The following CDH12 variants were observed in gnomAD, a reference collection of about 807,000 sequenced individuals.
CDH12 encodes cadherin 12, also known as cadherin-12.
Under a neutral mutation model 74.1 loss-of-function variants are expected in CDH12, and 41 were observed. The ratio of observed to expected loss-of-function variants is 0.55; its 90% confidence interval spans 0.43 to 0.72. CDH12 has a LOEUF of 0.72. Among genes scored for constraint, CDH12 ranks in the 30% least tolerant of loss-of-function variants. The pLI, the probability that CDH12 is intolerant of heterozygous loss-of-function variation, is 0.00. For synonymous variants in CDH12, 399 were observed against 355.0 expected, an observed-to-expected ratio of 1.12 and a Z score of -1.39; for missense variants, 945 against 977.2, an observed-to-expected ratio of 0.97 and a Z score of 0.44.
chr5:22,030,124 G>A (rs1429695999), intron 5 of CDH12, among the ~76,000 whole-genome samples: 1 of 149,280 alleles, frequency 6.7e-6, no homozygotes, highest in Non-Finnish European at 1.5e-5. Context: ...GGGGTGGGGG[G>A]GAGGGGGGAA....
chr5:22,718,204 G>T lies in CDH12; in HGVS notation c.-523+134854C>A, dbSNP rs28674061. ...TGTAAATATCCAGTTATAGAATTTAGATTACAGAAAGCTATACTTTGTGCC... is the reference window on the plus strand; with the variant it reads ...TGTAAATATCCAGTTATAGAATTTATATTACAGAAAGCTATACTTTGTGCC... On this transcript the variant is annotated intron_variant, in intron 1 of 14. Coordinates refer to ENST00000382254, the MANE Select transcript of CDH12 (RefSeq NM_004061.5). 3.4e-3 allele frequency among the ~76,000 whole-genome samples: 515 copies of T among 152,316 alleles called. 4 individuals carry two copies. The highest frequency in any genetic ancestry group is 0.012 in the African/African-American group (489 of 41,574).
At chr5:22,415,106 A>T (rs752889420) in intron 2 of CDH12, among the ~76,000 whole-genome samples, 1 of 152,134 alleles carries the variant, frequency 6.6e-6, no homozygotes, top group Non-Finnish European at 1.5e-5. Flanking sequence ...ACTAAAATAA[A>T]ATGGCCAAAT....
intron 12 of CDH12, among the ~76,000 whole-genome samples, chr5:21,761,842 C>A (rs575062850): frequency 6.6e-6 from 1 of 152,166 alleles, no homozygotes; most frequent in South Asian, 2.1e-4. Flanking sequence ...TCTAATTTAA[C>A]AAATTAATTG....
At chr5:21,826,635 C>A (rs368129369) in intron 8 of CDH12, among the ~76,000 whole-genome samples, 3 of 152,082 alleles carry the variant, frequency 2.0e-5, no homozygotes, top group Non-Finnish European at 4.4e-5. Context: ...AACTCATTGT[C>A]TTCTTTCATG....
At chr5:22,824,871 C>A (rs1184899830) in intron 1 of CDH12, among the ~76,000 whole-genome samples, 1 of 151,120 alleles carries the variant, frequency 6.6e-6, no homozygotes, top group Non-Finnish European at 1.5e-5. Flanking sequence ...TATGTGTGTC[C>A]AAAATTTATA....
intron 4 of CDH12, among the ~76,000 whole-genome samples, chr5:22,081,952 A>G (rs1420489799): frequency 1.3e-5 from 2 of 152,202 alleles, no homozygotes; most frequent in Non-Finnish European, 2.9e-5. Context: ...TGCAAAGTGC[A>G]GTAGTCCCCA....
intron 4 of CDH12, among the ~76,000 whole-genome samples, chr5:22,112,603 C>G (rs1215603970): frequency 6.6e-6 from 1 of 151,560 alleles, no homozygotes; most frequent in African/African-American, 2.4e-5. Flanking sequence ...TTTTTTTTCC[C>G]CTCAACTCTT....
intron 3 of CDH12, among the ~76,000 whole-genome samples, chr5:22,217,949 T>A (rs929242934): frequency 7.9e-5 from 12 of 151,640 alleles, no homozygotes; most frequent in Non-Finnish European, 1.5e-4. Flanking sequence ...CACTAAAAAA[T>A]TTTAGATGAT....
rs140818412 is a variant in CDH12 at position 22,555,713 on chromosome 5, T to G, written c.-522-50349A>C. On this transcript the variant is annotated intron_variant, in intron 1 of 14. Coordinates refer to ENST00000382254, the MANE Select transcript of CDH12 (RefSeq NM_004061.5). ...TGTGTGCTTTAGACCTATTTTTCAA[T>G]TCAGGGCTTCCTTAAGGATTTATTT... Among the ~76,000 whole-genome samples, 15 of 152,218 alleles carry G rather than the reference T, an allele frequency of 9.9e-5. No homozygotes were observed. The East Asian group carries it at 2.9e-3, about 29-fold the overall frequency.
chr5:21,948,577 C>T (rs1755683145), intron 6 of CDH12, among the ~76,000 whole-genome samples: 2 of 152,026 alleles, frequency 1.3e-5, no homozygotes, highest in East Asian at 1.9e-4. Flanking sequence ...AACGTCTTGC[C>T]TTGTCTCAGA....
At chr5:22,140,934 A>C (rs1263999230) in intron 4 of CDH12, among the ~76,000 whole-genome samples, 1 of 152,160 alleles carries the variant, frequency 6.6e-6, no homozygotes, top group African/African-American at 2.4e-5. Flanking sequence ...ACTCCTGCTC[A>C]CTGTTATCCT....
intron 1 of CDH12, among the ~76,000 whole-genome samples, chr5:22,545,862 G>C (rs955919226): frequency 6.6e-6 from 1 of 152,154 alleles, no homozygotes; most frequent in Non-Finnish European, 1.5e-5. Context: ...AAAATGTGCA[G>C]TACTTACTTT....
At chr5:22,685,117 T>C (rs1371924317) in intron 1 of CDH12, among the ~76,000 whole-genome samples, 1 of 152,206 alleles carries the variant, frequency 6.6e-6, no homozygotes, top group Admixed American at 6.5e-5. Context: ...GTAGCTTTAT[T>C]AAGATACAAT....
intron 6 of CDH12, among the ~76,000 whole-genome samples, chr5:21,897,648 AC>A (rs1185184442): frequency 3.9e-5 from 6 of 152,228 alleles, no homozygotes; most frequent in African/African-American, 1.4e-4. Flanking sequence ...AGTTTTGTAT[AC>A]ATATGCTTGC....
intron 1 of CDH12, among the ~76,000 whole-genome samples, chr5:22,685,905 T>C (rs568349442): frequency 1.3e-4 from 20 of 152,330 alleles, no homozygotes; most frequent in African/African-American, 4.8e-4. Flanking sequence ...TTCATATATA[T>C]GCTTAGGAGT....
At chr5:22,833,082 A>G (rs1348276739) in intron 1 of CDH12, among the ~76,000 whole-genome samples, 1 of 152,168 alleles carries the variant, frequency 6.6e-6, no homozygotes, top group Non-Finnish European at 1.5e-5. Context: ...CTTAGTTTAG[A>G]TAACTGCTTT....
intron 2 of CDH12, among the ~76,000 whole-genome samples, chr5:22,430,946 T>C (rs1744144741): frequency 6.6e-6 from 1 of 152,168 alleles, no homozygotes; most frequent in Non-Finnish European, 1.5e-5. Flanking sequence ...TCTTAAAATA[T>C]TTACCAGGCA....
intron 1 of CDH12, among the ~76,000 whole-genome samples, chr5:22,628,120 C>A (rs1338286121): frequency 2.0e-5 from 3 of 152,004 alleles, no homozygotes; most frequent in Non-Finnish European, 4.4e-5. Flanking sequence ...TCTTACAAAT[C>A]TATGAAGAAA....
At chr5:21,811,248 T>C (rs187321397) in intron 9 of CDH12, among the ~76,000 whole-genome samples, 1 of 152,278 alleles carries the variant, frequency 6.6e-6, no homozygotes, top group East Asian at 1.9e-4. Flanking sequence ...ACTCTTCATT[T>C]TAAACAGTTT....
Sources: allele counts gnomAD v4.1 joint callset (sites outside exome capture counted in the v4.1 genomes callset), GRCh38; gene constraint gnomAD v4.1.1; transcripts MANE v1.5; gene names NCBI Gene and HGNC (gene_info 2026-07-23, HGNC 2026-07-21).